Variants in CNTN1 observed in about 807,000 individuals in gnomAD.
CNTN1 encodes the protein contactin-1.
In CNTN1, 38 loss-of-function variants were observed where a neutral mutation model predicts 126.4. That is an observed-to-expected ratio of 0.30 (90% CI 0.23 to 0.39). CNTN1 has a LOEUF of 0.39. Ranked by LOEUF, CNTN1 falls within the 10% of genes least tolerant of loss-of-function variation. The pLI, the probability that CNTN1 is intolerant of heterozygous loss-of-function variation, is 1.00. For synonymous variants in CNTN1, 413 were observed against 422.6 expected (o/e 0.98, Z 0.28); for missense variants, 1,009 against 1,248.4 (o/e 0.81, Z 2.89).
chr12:40,878,991 A>C (rs1405146863), intron 1 of CNTN1, among the ~76,000 whole-genome samples: 1 of 152,180 alleles, frequency 6.6e-6, no homozygotes, highest in African/African-American at 2.4e-5. Context: ...TCCATATAAA[A>C]TTATAATATT....
At chr12:41,004,964 C>T (rs1948454405) in intron 17 of CNTN1, 1 of 152,210 alleles carries the variant, frequency 6.6e-6, no homozygotes, top group Non-Finnish European at 1.5e-5. Context: ...GGATTTTACA[C>T]TGTCATTATG....
chr12:41,014,931 A>G (rs776137037), intron 18 of CNTN1, among the ~76,000 whole-genome samples: 7 of 152,216 alleles, frequency 4.6e-5, no homozygotes, highest in Non-Finnish European at 1.0e-4. Flanking sequence ...TGACTTAGAC[A>G]TCTGGCATTT....
Position 41,069,940 on chromosome 12 carries a change from C to T in CNTN1, c.2981-19C>T. ...ATGTATCAATGAAATAATATGCACA[C>T]TTTTGGTTTACCTTGCAGGTGCACC... On this transcript the variant is annotated intron_variant, in intron 23 of 23. Coordinates refer to ENST00000551295, the MANE Select transcript of CNTN1 (RefSeq NM_001843.4). 6.2e-7 allele frequency: 1 copy of T among 1,605,538 alleles called. No individual in the cohort carries two copies. The highest frequency in any genetic ancestry group is 1.1e-5 in the South Asian group (1 of 90,918).
chr12:40,851,901 C>T (rs749452878), intron 1 of CNTN1, among the ~76,000 whole-genome samples: 1 of 152,116 alleles, frequency 6.6e-6, no homozygotes, highest in Non-Finnish European at 1.5e-5. Context: ...GACATATGTA[C>T]AGAAAATGGC....
At chr12:40,863,926 T>TCCTTCCTTCCTTCCTC (rs760801289) in intron 1 of CNTN1, among the ~76,000 whole-genome samples, 15 of 129,150 alleles carry the variant, frequency 1.2e-4, no homozygotes, top group African/African-American at 3.8e-4. Flanking sequence ...CTTCCTTCCT[T>TCCTTCCTTCCTTCCTC]CCTCCCTCCC....
intron 1 of CNTN1, among the ~76,000 whole-genome samples, chr12:40,723,914 C>T (rs1942283904): frequency 6.6e-6 from 1 of 152,126 alleles, no homozygotes; most frequent in African/African-American, 2.4e-5. Flanking sequence ...TTCTAACTGC[C>T]TGGGCCTCTC....
chr12:40,866,515 TAA>T (rs34417267), intron 1 of CNTN1, among the ~76,000 whole-genome samples: 5 of 152,160 alleles, frequency 3.3e-5, no homozygotes, highest in Admixed American at 6.6e-5. Context: ...ATTTTTATTA[TAA>T]AAAGTGTTGG....
intron 1 of CNTN1, among the ~76,000 whole-genome samples, chr12:40,797,424 G>A (rs1940478298): frequency 6.6e-6 from 1 of 151,998 alleles, no homozygotes; most frequent in Non-Finnish European, 1.5e-5. Context: ...GGCCAAAAGA[G>A]CAGCTTATGC....
intron 12 of CNTN1, among the ~76,000 whole-genome samples, chr12:40,939,747 T>G (rs1005935880): frequency 1.3e-5 from 2 of 152,148 alleles, no homozygotes. Context: ...GTCTTGTTGT[T>G]ATAAATTGCC....
At chr12:41,050,449 A>AGG (rs1332951514) in intron 23 of CNTN1, among the ~76,000 whole-genome samples, 2 of 152,232 alleles carry the variant, frequency 1.3e-5, no homozygotes, top group South Asian at 4.1e-4. Flanking sequence ...GAAAGAGAGA[A>AGG]GGGGGAAGTG....
rs1944910825 is a variant in CNTN1 at position 40,908,390 on chromosome 12, AT to A, written c.-41del. On this transcript the variant is annotated 5_prime_UTR_variant, in exon 2 of 24. Transcript: ENST00000551295. ...AATTATCCAACTGCCATAGAGCTAA[AT>A]TCTTTTTTGGAAAATTGAACCGAAC... The A allele has an allele frequency of 6.5e-7, 1 of 1,546,942 alleles. No homozygotes were observed. Among genetic ancestry groups the A allele is most frequent in the African/African-American group, 1.4e-5 (1 of 73,420 alleles).
At chr12:41,037,905 C>T (rs1211055465) in intron 23 of CNTN1, among the ~76,000 whole-genome samples, 1 of 152,084 alleles carries the variant, frequency 6.6e-6, no homozygotes, top group Non-Finnish European at 1.5e-5. Flanking sequence ...TGCCTATAGT[C>T]CCAGCACTTT....
intron 1 of CNTN1, among the ~76,000 whole-genome samples, chr12:40,795,299 ACACACACACACACACACAC>A (rs1565746366): frequency 9.7e-5 from 11 of 113,856 alleles, no homozygotes; most frequent in East Asian, 2.4e-4. Context: ...ACACACACAC[ACACACACACACACACACAC>A]ATTTTTTTTT....
chr12:40,863,908 C>T (rs1024221132), intron 1 of CNTN1, among the ~76,000 whole-genome samples: 6 of 150,152 alleles, frequency 4.0e-5, no homozygotes, highest in East Asian at 3.9e-4. Context: ...GGATCTGGAC[C>T]GACCTTCCTT....
intron 12 of CNTN1, among the ~76,000 whole-genome samples, 160 bp from the exon 13 acceptor site, chr12:40,943,437 A>T (rs1482904249): frequency 1.3e-5 from 2 of 152,148 alleles, no homozygotes; most frequent in African/African-American, 2.4e-5. Context: ...AAAAAATATT[A>T]TAACTAAAGG....
At chr12:40,963,035 A>G (rs1454305871) in intron 15 of CNTN1, among the ~76,000 whole-genome samples, 1 of 152,108 alleles carries the variant, frequency 6.6e-6, no homozygotes, top group African/African-American at 2.4e-5. Context: ...CCCTGGCAAA[A>G]GCAGATTATC....
Position 40,933,570 on chromosome 12 carries a change from C to A in CNTN1, c.803+10C>A. 6.4e-7 allele frequency: 1 copy of A among 1,573,574 alleles called. No individual in the cohort carries two copies. ...GTTTTGCACTTGGAAAGTAAGTATACTGACACTTTTATTAATATATATAGA... is the reference window on the plus strand; with the variant it reads ...GTTTTGCACTTGGAAAGTAAGTATAATGACACTTTTATTAATATATATAGA... On this transcript the variant is annotated intron_variant, in intron 8 of 23. Transcript: ENST00000551295.
At chr12:41,049,832 A>C (rs7315781) in intron 23 of CNTN1, among the ~76,000 whole-genome samples, 63,563 of 152,120 alleles carry the variant, frequency 0.42, 13,813 homozygotes, top group African/African-American at 0.54. Context: ...CAGTTTCTGG[A>C]AAACATAAGC....
intron 4 of CNTN1, among the ~76,000 whole-genome samples, chr12:40,919,786 G>A (rs186549568): frequency 3.3e-5 from 5 of 151,936 alleles, no homozygotes; most frequent in East Asian, 1.9e-4. Flanking sequence ...TATTTTTATC[G>A]TTTCAATTTC....
Sources: allele counts gnomAD v4.1 joint callset (sites outside exome capture counted in the v4.1 genomes callset), GRCh38; gene constraint gnomAD v4.1.1; transcripts MANE v1.5; gene names NCBI Gene and HGNC (gene_info 2026-07-23, HGNC 2026-07-21).